The following ARID3C variants were observed in gnomAD, a reference collection of about 807,000 sequenced individuals.
The protein encoded by ARID3C is AT-rich interaction domain 3C, also known as AT-rich interactive domain-containing protein 3C.
ARID3C carries 42 observed loss-of-function variants against 37.9 expected under a neutral mutation model. That is an observed-to-expected ratio of 1.11 (90% CI 0.87 to 1.43). The LOEUF is 1.43. ARID3C is among the 40% of genes most tolerant of loss of function. The pLI is 0.00. For missense variants in ARID3C, 581 were observed against 548.8 expected (o/e 1.06, Z -0.59); for synonymous variants, 213 against 228.0 (o/e 0.93, Z 0.59).
At position 34,623,825 on chromosome 9, in the gene ARID3C, C is replaced by T. The variant is rs761310010; in HGVS notation, c.575+39G>A. On this transcript the variant is annotated intron_variant, in intron 3 of 6. Coordinates refer to ENST00000378909, the Ensembl canonical transcript of ARID3C. Reference sequence around the variant, plus strand: ...TCCCCCCTCCCGCCCCAGGCCGAACCCGTGCCCCCTTCCCTTCCGCTCCCG... The same window carrying T: ...TCCCCCCTCCCGCCCCAGGCCGAACTCGTGCCCCCTTCCCTTCCGCTCCCG... The T allele has an allele frequency of 4.6e-6, 7 of 1,531,288 alleles. No individual in the cohort carries two copies. The African/African-American group carries it at 5.5e-5, about 12-fold the overall frequency. The allele number at this position is 1,531,288 out of a possible 1,614,324, so 94.9% of individuals were successfully genotyped here. A position where few individuals can be genotyped will look rare whatever the true frequency, so the allele number is the denominator to read the frequency against.
chr9:34,623,796 A>ACCCCCCC, intron 3 of ARID3C, 68 bp downstream of exon 4: 16 of 1,134,762 alleles, frequency 1.4e-5, no homozygotes, highest in Non-Finnish European at 1.8e-5. Flanking sequence ...CCGCCCGGGG[A>ACCCCCCC]CCCTCCCCCC....
At chr9:34,622,636 C>T (rs1820591502) in intron 4 of ARID3C, 107 bp from the exon 6 acceptor site, 2 of 1,148,716 alleles carry the variant, frequency 1.7e-6, no homozygotes, top group Admixed American at 2.7e-5. Context: ...ATGTACCAAT[C>T]TCTCATCCTT....
At chr9:34,624,089 C>A (rs148741665) in intron 2 of ARID3C, 42 bp from the exon 4 acceptor site, 9 of 1,530,076 alleles carry the variant, frequency 5.9e-6, no homozygotes, top group Admixed American at 1.9e-5. Flanking sequence ...GAGACGAAGA[C>A]CCTGTCTGCA....
At chr9:34,625,802 C>G (rs200305923) in exon 2 of ARID3C, 1 of 1,613,970 alleles carries the variant, frequency 6.2e-7, no homozygotes, top group South Asian at 1.1e-5. Flanking sequence ...GGGTCTGCAT[C>G]GAGCTCATAC....
In ARID3C at chr9:34,622,390, G is replaced by GC; in HGVS notation, c.1004dup (p.Cys335TrpfsTer24). 6.2e-7 allele frequency: 1 copy of GC among 1,613,074 alleles called. No individual in the cohort carries two copies. On this transcript the variant is annotated frameshift_variant, in exon 5 of 7. Transcript: ENST00000378909. LOFTEE classifies it high-confidence loss of function. ...CACGGGGCAGGAAACTGGGGGGCATGCAAGGTCGAGGTGGGTCCATAGGCC... is the reference window on the plus strand; with the variant it reads ...CACGGGGCAGGAAACTGGGGGGCATGCCAAGGTCGAGGTGGGTCCATAGGCC...
Position 34,622,159 on chromosome 9 carries a change from A to T in ARID3C, c.1049-50T>A, listed in dbSNP as rs750717777. ...CACATTTTGGAGAATCAGACTTCTG[A>T]CTTATTAATAGAATTTCCCCCCTCC... On this transcript the variant is annotated intron_variant, in intron 5 of 6. Coordinates refer to ENST00000378909, the Ensembl canonical transcript of ARID3C. 5.0e-6 allele frequency: 8 copies of T among 1,606,812 alleles called. No homozygotes were observed. The Admixed American group carries it at 6.7e-5, about 13-fold the overall frequency.
At chr9:34,628,180 G>T, upstream of ARID3C, 3 of 939,762 alleles carry the variant, frequency 3.2e-6, no homozygotes, top group African/African-American at 1.7e-5. The surrounding 1 kb of genome is among the most constrained non-coding windows in gnomAD (Gnocchi z 5.2). Flanking sequence ...AAGTGCAGGG[G>T]TCACAAGGAA....
At chr9:34,623,575 C>A in exon 4 of ARID3C, 1 of 1,607,930 alleles carries the variant, frequency 6.2e-7, no homozygotes, top group Non-Finnish European at 8.5e-7. Context: ...GGGGGCGGCC[C>A]TGCCAAGCCG....
intron 4 of ARID3C, among the ~76,000 whole-genome samples, chr9:34,622,756 G>C (rs1820593158): frequency 6.6e-6 from 1 of 152,170 alleles, no homozygotes; most frequent in African/African-American, 2.4e-5. Context: ...ATTGTTTTTG[G>C]CTGTTGGTTA....
exon 1 of ARID3C, chr9:34,627,729 G>A (rs759605101): frequency 6.2e-7 from 1 of 1,613,478 alleles, no homozygotes; most frequent in Non-Finnish European, 8.5e-7. Context: ...GTCCACTCGT[G>A]GGGATGGAGT....
intron 1 of ARID3C, 124 bp from the exon 3 acceptor site, chr9:34,625,938 CTCCCTGGGAT>C (rs1161847744): frequency 9.1e-7 from 1 of 1,097,530 alleles, no homozygotes; most frequent in Non-Finnish European, 1.3e-6. Flanking sequence ...TCAATGTGGA[CTCCCTGGGAT>C]TAGCATTAGG....
At chr9:34,623,517 G>T (rs933991567) in exon 4 of ARID3C, 1 of 1,561,208 alleles carries the variant, frequency 6.4e-7, no homozygotes, top group Admixed American at 2.0e-5. Flanking sequence ...GGACTGGGTC[G>T]CCGGAGGGGC....
chr9:34,625,837 C>T, intron 1 of ARID3C, 23 bp from the exon 3 acceptor site: 1 of 1,613,478 alleles, frequency 6.2e-7, no homozygotes, highest in Non-Finnish European at 8.5e-7. Flanking sequence ...TGGGGTCATT[C>T]TACAGCTCTG....
At chr9:34,623,317 A>G in intron 4 of ARID3C, 108 bp downstream of exon 5, 1 of 1,318,790 alleles carries the variant, frequency 7.6e-7, no homozygotes, top group Non-Finnish European at 1.0e-6. Flanking sequence ...CTGCTCCCAT[A>G]CCTCAATGCC....
At chr9:34,632,748 C>A (rs1488038369), upstream of ARID3C, among the ~76,000 whole-genome samples, 3 of 152,044 alleles carry the variant, frequency 2.0e-5, no homozygotes, top group Non-Finnish European at 4.4e-5. Flanking sequence ...TGGAGGTGCC[C>A]TTAATTCACA....
intron 3 of ARID3C, 34 bp from the exon 5 acceptor site, chr9:34,623,748 A>G: frequency 6.6e-7 from 1 of 1,508,778 alleles, no homozygotes; most frequent in South Asian, 1.3e-5. Flanking sequence ...AGTGTATGGG[A>G]GGCTGCACCC....
upstream of ARID3C, among the ~76,000 whole-genome samples, chr9:34,629,779 C>G (rs1820706626): frequency 6.6e-6 from 1 of 151,704 alleles, no homozygotes; most frequent in African/African-American, 2.4e-5. Context: ...TTTTTGGAGA[C>G]AGAGTCTCTG....
chr9:34,631,744 C>T (rs548601243), upstream of ARID3C, among the ~76,000 whole-genome samples: 12 of 152,316 alleles, frequency 7.9e-5, no homozygotes, highest in African/African-American at 2.9e-4. Context: ...CATTTATTTT[C>T]TCACAATTCT....
chr9:34,623,780 G>T, intron 3 of ARID3C, 66 bp from the exon 5 acceptor site: 1 of 1,500,456 alleles, frequency 6.7e-7, no homozygotes, highest in South Asian at 1.3e-5. Context: ...TCCCACAGCC[G>T]GACGCCCGCC....
Sources: gnomAD v4.1 joint callset for allele counts (sites outside exome capture counted in the v4.1 genomes callset) on GRCh38, gnomAD v4.1.1 for gene constraint, Gnocchi (gnomAD v3.1) non-coding constraint, MANE v1.5 for transcripts, NCBI Gene and HGNC (gene_info 2026-07-23, HGNC 2026-07-21) for gene names.